SKIL: variants seen among roughly 807,000 people sequenced by gnomAD.
The protein encoded by SKIL is SKI like proto-oncogene, also known as ski-like protein.
Under a neutral mutation model 69.6 loss-of-function variants are expected in SKIL, and 20 were observed. The ratio of observed to expected loss-of-function variants is 0.29; its 90% CI spans 0.20 to 0.42. The LOEUF (loss-of-function observed/expected upper bound fraction) is 0.42. SKIL is among the 10% of genes least tolerant of loss of function. The pLI is 1.00. For synonymous variants in SKIL, 310 were observed against 279.9 expected (o/e 1.11, Z -1.08); for missense variants, 745 against 783.1 (o/e 0.95, Z 0.58).
chr3:170,358,592 A>AGTCT (rs1022606712), intron 1 of SKIL: 17 of 152,594 alleles, frequency 1.1e-4, no homozygotes, highest in African/African-American at 3.9e-4. Context: ...GGTGGACGAA[A>AGTCT]GTCTGTACGA....
At chr3:170,367,479 A>T (rs77563273) in intron 2 of SKIL, among the ~76,000 whole-genome samples, 1,076 of 12,598 alleles carry the variant, frequency 0.085, 18 homozygotes, top group African/African-American at 0.13. Flanking sequence ...TTTTTTTTTT[A>T]AATTGAGATG....
intron 6 of SKIL, among the ~76,000 whole-genome samples, chr3:170,391,687 G>T (rs966272920): frequency 6.6e-6 from 1 of 152,094 alleles, no homozygotes; most frequent in African/African-American, 2.4e-5. Flanking sequence ...TTTCAAAATA[G>T]ATAATTCTGT....
chr3:170,382,416 T>A (rs1271475930), intron 3 of SKIL, among the ~76,000 whole-genome samples: 1 of 148,234 alleles, frequency 6.7e-6, no homozygotes, highest in Non-Finnish European at 1.5e-5. Flanking sequence ...AACTTTGATT[T>A]TTTTTTTTTT....
intron 5 of SKIL, among the ~76,000 whole-genome samples, chr3:170,390,820 T>C (rs1737873303): frequency 6.6e-6 from 1 of 152,228 alleles, no homozygotes; most frequent in African/African-American, 2.4e-5. Flanking sequence ...AACGAGATGC[T>C]ACAAATGTAC....
At chr3:170,365,641 G>A (rs776978740) in intron 2 of SKIL, among the ~76,000 whole-genome samples, 22 of 152,056 alleles carry the variant, frequency 1.4e-4, no homozygotes, top group African/African-American at 5.3e-4. Flanking sequence ...CTGAGAATGA[G>A]ATAGTCCTTG....
chr3:170,359,103 G>A (rs1202708417), intron 1 of SKIL, among the ~76,000 whole-genome samples: 3 of 152,090 alleles, frequency 2.0e-5, no homozygotes, highest in Non-Finnish European at 4.4e-5. Context: ...AGAAAGCCCC[G>A]GTACTACTAA....
At chr3:170,358,852 T>C (rs1374449324) in intron 1 of SKIL, among the ~76,000 whole-genome samples, 3 of 152,230 alleles carry the variant, frequency 2.0e-5, no homozygotes, top group Admixed American at 6.5e-5. Context: ...TCTATAGCTT[T>C]TGGCTTCCAT....
At chr3:170,375,182 C>T (rs1053641307) in intron 2 of SKIL, among the ~76,000 whole-genome samples, 3 of 152,180 alleles carry the variant, frequency 2.0e-5, no homozygotes, top group South Asian at 2.1e-4. Context: ...GGCTAGGGGA[C>T]TATGCTAGGT....
chr3:170,380,517 G>T (rs542165236), intron 2 of SKIL, among the ~76,000 whole-genome samples: 1 of 152,048 alleles, frequency 6.6e-6, no homozygotes, highest in South Asian at 2.1e-4. Context: ...GGTGGTGGGT[G>T]CCTGTAATCC....
chr3:170,378,921 G>T (rs375965742), intron 2 of SKIL, among the ~76,000 whole-genome samples: 4 of 151,924 alleles, frequency 2.6e-5, no homozygotes, highest in East Asian at 3.9e-4. Context: ...CAGTTGCCCA[G>T]GCTGGAGTGC....
Position 170,394,464 on chromosome 3 carries a change from T to G in SKIL, c.*2047T>G, listed in dbSNP as rs966931121. ...CAAACACCTATAATTTCATTTATAT[T>G]TCTAATTCACTTGGAACCTTTCTGC... On this transcript the variant is annotated 3_prime_UTR_variant, in exon 7 of 7. Coordinates refer to ENST00000259119, the MANE Select transcript of SKIL (RefSeq NM_005414.5). The G allele has an allele frequency of 3.0e-4, 45 of 152,302 alleles. No homozygotes were observed. The highest frequency in any genetic ancestry group is 1.0e-3 in the African/African-American group (42 of 41,570). 9.4% of individuals were successfully genotyped at this position (152,302 alleles called of 1,614,324 possible). A position where few individuals can be genotyped will look rare whatever the true frequency, so the allele number is the denominator to read the frequency against.
At chr3:170,370,215 G>A (rs1736733937) in intron 2 of SKIL, among the ~76,000 whole-genome samples, 1 of 152,006 alleles carries the variant, frequency 6.6e-6, no homozygotes, top group African/African-American at 2.4e-5. Context: ...CTCCAGCCTG[G>A]GAGACAGAGT....
At chr3:170,377,059 G>A (rs766869341) in intron 2 of SKIL, among the ~76,000 whole-genome samples, 1 of 152,132 alleles carries the variant, frequency 6.6e-6, no homozygotes, top group Non-Finnish European at 1.5e-5. Context: ...GCTGTCAGCT[G>A]TCACTTAGCA....
Position 170,360,754 on chromosome 3 carries a change from C to T in SKIL, c.423C>T (p.Ser141=), listed in dbSNP as rs1736184500. Residue 141 remains serine (S), a synonymous_variant, in exon 2 of 7, where the codon TCC becomes TCT. Coordinates refer to ENST00000259119, the MANE Select transcript of SKIL (RefSeq NM_005414.5). The stretch of plus-strand genomic sequence containing the variant: ...CATTGCTCATCCCTTCAGATAGCTC[C>T]ACAGAACTCACTCAGACTGTGTTGG... ...PGPLLIPSDS[S]TELTQTVLEG... The T allele has an allele frequency of 6.2e-7, 1 of 1,614,062 alleles. No homozygotes were observed. Among genetic ancestry groups the T allele is most frequent in the African/African-American group, 1.3e-5 (1 of 74,916 alleles).
intron 2 of SKIL, among the ~76,000 whole-genome samples, chr3:170,368,549 A>C (rs1315286530): frequency 1.3e-5 from 2 of 152,204 alleles, no homozygotes; most frequent in Non-Finnish European, 2.9e-5. Flanking sequence ...CAAGAGAATG[A>C]GCATTTTGGA....
intron 2 of SKIL, among the ~76,000 whole-genome samples, chr3:170,373,163 A>G (rs976057582): frequency 3.3e-5 from 5 of 149,824 alleles, no homozygotes; most frequent in Non-Finnish European, 7.4e-5. Context: ...GGCCCGGCTA[A>G]TTTTTTTATT....
At chr3:170,383,769 C>T (rs1737478980) in intron 3 of SKIL, among the ~76,000 whole-genome samples, 1 of 152,124 alleles carries the variant, frequency 6.6e-6, no homozygotes, top group South Asian at 2.1e-4. Flanking sequence ...ACTGAGCCTC[C>T]TGTGAGTCAG....
chr3:170,367,438 T>C (rs1736587898), intron 2 of SKIL, among the ~76,000 whole-genome samples: 1 of 149,778 alleles, frequency 6.7e-6, no homozygotes, highest in East Asian at 2.0e-4. Flanking sequence ...GTCTCCACTT[T>C]ACTAAGTTAA....
Position 170,390,238 on chromosome 3 carries a change from A to G in SKIL, c.1445A>G (p.Asn482Ser), listed in dbSNP as rs1278451922. Reference protein sequence around the residue: ...LCSRLDASISNNSTSKRKSES... With the variant: ...LCSRLDASISSNSTSKRKSES... ...TCTCTCCAAGATGCATCAATCTCAA[A>G]TAATTCTACAAGTAAAAGGAAATCT... Residue 482 changes from asparagine (N) to serine (S), a missense_variant, in exon 5 of 7, where the codon AAT becomes AGT. Coordinates refer to ENST00000259119, the MANE Select transcript of SKIL (RefSeq NM_005414.5). 1 of 1,611,256 alleles carries G rather than the reference A, an allele frequency of 6.2e-7. No homozygotes were observed. Among genetic ancestry groups the G allele is most frequent in the Admixed American group, 1.7e-5 (1 of 59,966 alleles).
Sources: allele counts gnomAD v4.1 joint callset (sites outside exome capture counted in the v4.1 genomes callset), GRCh38; gene constraint gnomAD v4.1.1; transcripts MANE v1.5; gene names NCBI Gene and HGNC (gene_info 2026-07-23, HGNC 2026-07-21).